DNAI3: variants seen among roughly 807,000 people sequenced by gnomAD.
The protein encoded by DNAI3 is WD repeat domain 63.
A neutral mutation model predicts 115.5 loss-of-function variants in DNAI3; 83 were observed. The ratio of observed to expected loss-of-function variants is 0.72; its 90% CI spans 0.60 to 0.86. The LOEUF (loss-of-function observed/expected upper bound fraction) is 0.86, where lower values mean the gene tolerates loss of function less well. Among genes scored for constraint, DNAI3 ranks in the 40% least tolerant of loss-of-function variants. The probability of loss-of-function intolerance (pLI) is 0.00; values close to 1 mark genes in which losing one functional copy is unlikely to be tolerated. For synonymous variants in DNAI3, 320 were observed against 347.0 expected (o/e 0.92, Z 0.86); for missense variants, 1,004 against 1,075.8 (o/e 0.93, Z 0.93).
chr1:85,120,509 T>C (rs1025913415), intron 17 of DNAI3, among the ~76,000 whole-genome samples: 12 of 152,224 alleles, frequency 7.9e-5, no homozygotes, highest in Non-Finnish European at 1.5e-4. Context: ...AACACACATT[T>C]ATTAGATTGG....
chr1:85,074,206 A>C (rs1047781976), intron 3 of DNAI3, among the ~76,000 whole-genome samples: 1 of 152,124 alleles, frequency 6.6e-6, no homozygotes, highest in East Asian at 1.9e-4. Context: ...CGCACTCCTC[A>C]CATCGGTTAG....
At chr1:85,088,641 T>G (rs539457017) in intron 7 of DNAI3, among the ~76,000 whole-genome samples, 1 of 152,154 alleles carries the variant, frequency 6.6e-6, no homozygotes, top group African/African-American at 2.4e-5. Flanking sequence ...GTAGGCACTA[T>G]CCCCATTTTA....
At chr1:85,065,125 A>G (rs1654054638) in intron 1 of DNAI3, among the ~76,000 whole-genome samples, 1 of 152,288 alleles carries the variant, frequency 6.6e-6, no homozygotes, top group South Asian at 2.1e-4. Flanking sequence ...ATGACCACCT[A>G]GATGAGGTCA....
At chr1:85,124,992 C>T (rs949578333) in intron 19 of DNAI3, among the ~76,000 whole-genome samples, 1 of 152,126 alleles carries the variant, frequency 6.6e-6, no homozygotes, top group Non-Finnish European at 1.5e-5. Flanking sequence ...TGTCAGCAGG[C>T]AGACCCTTGC....
At chr1:85,096,169 G>T (rs895810221) in intron 11 of DNAI3, 149 bp downstream of exon 11, 2 of 673,788 alleles carry the variant, frequency 3.0e-6, no homozygotes, top group Admixed American at 5.0e-5. Context: ...AGGAAGCAGG[G>T]TATAGAGACG....
chr1:85,126,020 A>G (rs1211772491), intron 19 of DNAI3, among the ~76,000 whole-genome samples: 1 of 152,250 alleles, frequency 6.6e-6, no homozygotes, highest in South Asian at 2.1e-4. Flanking sequence ...TTATATGAGA[A>G]TTTGCCAATT....
At chr1:85,105,290 G>A (rs189010181) in intron 14 of DNAI3, among the ~76,000 whole-genome samples, 34 of 152,220 alleles carry the variant, frequency 2.2e-4, no homozygotes, top group African/African-American at 8.2e-4. Context: ...AGCATGTGTT[G>A]GGGAAGATTC....
chr1:85,130,969 A>G lies in DNAI3; in HGVS notation c.2532+857A>G, dbSNP rs117694019. On this transcript the variant is annotated intron_variant, in intron 22 of 22. Coordinates refer to ENST00000294664, the MANE Select transcript of DNAI3 (RefSeq NM_145172.5). ...TGGGCTTCTAAATACTTTGTGAATT[A>G]GGCTTTTCTCTCTTTCTCACTTGAG... Among the ~76,000 whole-genome samples, 69 of 152,284 alleles carry G rather than the reference A, an allele frequency of 4.5e-4. 1 individual carries two copies. The East Asian group carries it at 0.011, about 24-fold the overall frequency.
chr1:85,129,377 C>T (rs1656246816), intron 21 of DNAI3, among the ~76,000 whole-genome samples: 1 of 151,676 alleles, frequency 6.6e-6, no homozygotes, highest in Admixed American at 6.6e-5. Flanking sequence ...CAAACATCAG[C>T]CTAGTTACTG....
In DNAI3 at chr1:85,092,740, T is replaced by G. The variant is rs566971897; in HGVS notation, c.858-718T>G. On this transcript the variant is annotated intron_variant, in intron 8 of 22. Coordinates refer to ENST00000294664, the MANE Select transcript of DNAI3 (RefSeq NM_145172.5). The stretch of plus-strand genomic sequence containing the variant: ...GACTGTCTCATGCATTGCAGGAGGT[T>G]TGGTAATGGAATTAAACACAGTAGC... Among the ~76,000 whole-genome samples the G allele has an allele frequency of 9.9e-5, 15 of 151,298 alleles. No homozygotes were observed. In the South Asian group the frequency reaches 3.1e-3, roughly 32 times the overall value.
intron 22 of DNAI3, among the ~76,000 whole-genome samples, chr1:85,132,277 T>C (rs993672508): frequency 2.0e-5 from 3 of 152,238 alleles, no homozygotes; most frequent in Non-Finnish European, 4.4e-5. Flanking sequence ...CTGGCCTGTG[T>C]GAGTGCTCAC....
chr1:85,090,315 C>A, intron 8 of DNAI3, 83 bp downstream of exon 8: 4 of 649,808 alleles, frequency 6.2e-6, no homozygotes, highest in African/African-American at 1.9e-5. Flanking sequence ...ATAAACAATT[C>A]CATATAGGGT....
chr1:85,115,522 A>G (rs1400254220), intron 16 of DNAI3, among the ~76,000 whole-genome samples: 4 of 152,256 alleles, frequency 2.6e-5, no homozygotes, highest in Admixed American at 1.3e-4. Flanking sequence ...TGGGAAATCC[A>G]TGACCTATGA....
At chr1:85,100,176 T>G (rs1377319567) in intron 13 of DNAI3, among the ~76,000 whole-genome samples, 1 of 151,842 alleles carries the variant, frequency 6.6e-6, no homozygotes, top group Non-Finnish European at 1.5e-5. Context: ...ACCATCAGAG[T>G]GAACAGGCAA....
At position 85,081,349 on chromosome 1, in the gene DNAI3, C is replaced by T. The variant is rs1326335297; in HGVS notation, c.219C>T (p.Asp73=). 6.2e-7 allele frequency: 1 copy of T among 1,602,224 alleles called. No individual in the cohort carries two copies. The highest frequency in any genetic ancestry group is 2.3e-5 in the East Asian group (1 of 44,178). ...CTTATAAGCTTATCAATAAAGAAGA[C>T]ATTTTTGAGGACCTGCGCAACAGAG... The part of the protein sequence containing the change: ...EQPYKLINKE[D]IFEDLRNRAA... The change falls in exon 4 of 23, where the codon GAC becomes GAT. Residue 73 remains aspartate (D), a synonymous_variant. Transcript: ENST00000294664.
Position 85,093,637 on chromosome 1 carries a change from C to T in DNAI3, c.1037C>T (p.Pro346Leu). 2 of 1,613,998 alleles carry T rather than the reference C, an allele frequency of 1.2e-6. No individual in the cohort carries two copies. The highest frequency in any genetic ancestry group is 1.7e-6 in the Non-Finnish European group (2 of 1,179,876). Reference protein sequence around the residue: ...EKMITCVSWHPTIYGLIAVSV... With the variant: ...EKMITCVSWHLTIYGLIAVSV... ...ATGATTACCTGTGTCTCATGGCATC[C>T]AACTATCTATGGTGAGATGGAAATG... The change falls in exon 9 of 23, where the codon CCA (proline) becomes CTA (leucine). Residue 346 changes from proline to leucine, a missense_variant. Pro to Leu is a moderately conservative substitution (Grantham distance 98). This residue lies in a region of DNAI3 where 550 missense variants were observed against 568.1 expected (regional missense o/e 0.97). Transcript: ENST00000294664.
Position 85,121,825 on chromosome 1 carries a change from T to C in DNAI3, c.1981+11T>C, listed in dbSNP as rs1487826719. 6.2e-7 allele frequency: 1 copy of C among 1,613,710 alleles called. No homozygotes were observed. Among genetic ancestry groups the C allele is most frequent in the Non-Finnish European group, 8.5e-7 (1 of 1,179,690 alleles). The stretch of plus-strand genomic sequence containing the variant: ...CTGGCCGACTTATGTGTAAGTTTTG[T>C]GATTGCCCTGTTATTAATAAGATGT... On this transcript the variant is annotated intron_variant, in intron 18 of 22. Transcript: ENST00000294664.
At chr1:85,129,164 A>C (rs1571205479) in intron 21 of DNAI3, among the ~76,000 whole-genome samples, 1 of 151,068 alleles carries the variant, frequency 6.6e-6, no homozygotes. Flanking sequence ...TCCATCACCC[A>C]CCCCCTCCGG....
chr1:85,073,152 A>G, intron 3 of DNAI3, 60 bp downstream of exon 3: 1 of 1,258,950 alleles, frequency 7.9e-7, no homozygotes, highest in South Asian at 1.7e-5. Context: ...TAATAATGCA[A>G]TAAGCAAGCA....
Sources: gnomAD v4.1 joint callset for allele counts (sites outside exome capture counted in the v4.1 genomes callset) on GRCh38, gnomAD v4.1.1 for gene constraint, gnomAD v4.1.1 regional missense constraint, MANE v1.5 for transcripts, NCBI Gene and HGNC (gene_info 2026-07-23, HGNC 2026-07-21) for gene names.